The following RGS17 variants were observed in gnomAD, a reference collection of about 807,000 sequenced individuals.
RGS17 encodes the protein regulator of G protein signaling 17.
In RGS17, 12 loss-of-function variants were observed where a neutral mutation model predicts 25.5. That is an observed-to-expected ratio of 0.47 (90% confidence interval 0.30 to 0.76). The LOEUF is 0.76. Ranked by LOEUF, RGS17 falls within the 30% of genes least tolerant of loss-of-function variation. The pLI is 0.07. For synonymous variants in RGS17, 71 were observed against 76.9 expected (o/e 0.92, Z 0.40); for missense variants, 196 against 242.2 (o/e 0.81, Z 1.27).
intron 2 of RGS17, among the ~76,000 whole-genome samples, chr6:153,033,361 C>A (rs978650484): frequency 2.0e-5 from 3 of 152,088 alleles, no homozygotes; most frequent in African/African-American, 4.8e-5. Flanking sequence ...TTAGCATAAA[C>A]AGAGTTTATT....
intron 1 of RGS17, among the ~76,000 whole-genome samples, chr6:153,080,117 G>A (rs1327164801): frequency 1.3e-5 from 2 of 152,068 alleles, no homozygotes; most frequent in South Asian, 2.1e-4. Context: ...GAGTAGCTGG[G>A]ACTACAGGCA....
chr6:153,052,331 G>C (rs1776472854), intron 1 of RGS17, among the ~76,000 whole-genome samples: 1 of 152,138 alleles, frequency 6.6e-6, no homozygotes, highest in African/African-American at 2.4e-5. Context: ...CTGAGATATG[G>C]AGTTTGACTT....
chr6:153,120,714 C>T (rs758331006), intron 1 of RGS17, among the ~76,000 whole-genome samples: 4 of 152,182 alleles, frequency 2.6e-5, no homozygotes, highest in Non-Finnish European at 5.9e-5. Context: ...CAGTATATGT[C>T]TTCTTTTTTA....
At chr6:153,129,495 G>C (rs184102444) in intron 1 of RGS17, among the ~76,000 whole-genome samples, 46 of 152,298 alleles carry the variant, frequency 3.0e-4, no homozygotes, top group Non-Finnish European at 1.5e-5. Flanking sequence ...GTTGTGAATC[G>C]AGGAGGAAAG....
chr6:153,110,490 C>G (rs901426356), intron 1 of RGS17, among the ~76,000 whole-genome samples: 8 of 150,156 alleles, frequency 5.3e-5, no homozygotes, highest in Admixed American at 1.3e-4. Context: ...TTTTAGCTAC[C>G]AGGAAGGGTC....
intron 1 of RGS17, among the ~76,000 whole-genome samples, chr6:153,070,732 T>A (rs1193385278): frequency 6.6e-6 from 1 of 150,746 alleles, no homozygotes; most frequent in South Asian, 2.1e-4. Flanking sequence ...CATATACATA[T>A]ACACATACAT....
rs551114064 is a variant in RGS17, at chr6:153,019,043, G to T, written c.444+5219C>A. Among the ~76,000 whole-genome samples the T allele has an allele frequency of 3.9e-5, 6 of 152,322 alleles. No homozygotes were observed. In the East Asian group the frequency reaches 1.2e-3, roughly 29 times the overall value. On this transcript the variant is annotated intron_variant, in intron 4 of 4. Transcript: ENST00000206262. ...TTTTCTCTCAGATGGTAACTGGGAAGTTAGAAAAATCAGAAAAAGCAAACT... is the reference window on the plus strand; with the variant it reads ...TTTTCTCTCAGATGGTAACTGGGAATTTAGAAAAATCAGAAAAAGCAAACT...
intron 1 of RGS17, among the ~76,000 whole-genome samples, chr6:153,103,962 T>C (rs1311964358): frequency 6.6e-6 from 1 of 152,198 alleles, no homozygotes; most frequent in Non-Finnish European, 1.5e-5. Context: ...ACCAAAGATA[T>C]CATTGATTGT....
rs1247819633 is a variant in RGS17, at chr6:153,008,191, T to C, written c.*3383A>G. On this transcript the variant is annotated 3_prime_UTR_variant, in exon 5 of 5. Transcript: ENST00000206262. ...TATCCCTATAGTCCTTTGGCAAAAC[T>C]GAACTATCAGGTAGATAAACAACAC... 1 of 152,186 alleles carries C rather than the reference T, an allele frequency of 6.6e-6. No homozygotes were observed. Among genetic ancestry groups the C allele is most frequent in the South Asian group, 2.1e-4 (1 of 4,836 alleles). The allele number at this position is 152,186 out of a possible 1,614,324, so 9.4% of individuals were successfully genotyped here. A position where few individuals can be genotyped will look rare whatever the true frequency, so the allele number is the denominator to read the frequency against.
intron 1 of RGS17, among the ~76,000 whole-genome samples, chr6:153,115,846 G>T (rs1215542506): frequency 1.3e-5 from 2 of 152,164 alleles, no homozygotes; most frequent in African/African-American, 4.8e-5. Context: ...TTAATAAATG[G>T]TGTTGGGAAA....
intron 1 of RGS17, among the ~76,000 whole-genome samples, chr6:153,060,975 GA>G (rs1279923341): frequency 6.6e-6 from 1 of 152,066 alleles, no homozygotes; most frequent in Non-Finnish European, 1.5e-5. Context: ...TTAAATGAGT[GA>G]AAAAAGGAGA....
chr6:153,063,900 T>C (rs1210515038), intron 1 of RGS17, among the ~76,000 whole-genome samples: 1 of 152,102 alleles, frequency 6.6e-6, no homozygotes, highest in Non-Finnish European at 1.5e-5. Context: ...AGCAGACTTT[T>C]CAGTGGAAAT....
At chr6:153,104,780 G>A (rs113753717) in intron 1 of RGS17, among the ~76,000 whole-genome samples, 15 of 150,614 alleles carry the variant, frequency 1.0e-4, no homozygotes, top group Non-Finnish European at 1.5e-4. Flanking sequence ...CAGAGATCAC[G>A]CCACTGCACT....
intron 1 of RGS17, among the ~76,000 whole-genome samples, chr6:153,083,387 T>C (rs1777010169): frequency 6.6e-6 from 1 of 152,218 alleles, no homozygotes. Context: ...AATTCTCTTT[T>C]GGAAAAAAGC....
At chr6:153,129,200 G>A (rs954740891) in intron 1 of RGS17, among the ~76,000 whole-genome samples, 1 of 152,128 alleles carries the variant, frequency 6.6e-6, no homozygotes, top group African/African-American at 2.4e-5. Flanking sequence ...CTCTAAGTGC[G>A]GGTTTCAAAA....
rs578239278 is a variant in RGS17, at chr6:153,006,846, A to G, written c.*4728T>C. On this transcript the variant is annotated 3_prime_UTR_variant, in exon 5 of 5. Coordinates refer to ENST00000206262, the MANE Select transcript of RGS17 (RefSeq NM_012419.5). ...AGATAAATGATTTGCCCAAAGTCAC[A>G]TGAGACAGAAATATAACTTGAAATC... The G allele has an allele frequency of 6.6e-6, 1 of 152,328 alleles. No individual in the cohort carries two copies. The highest frequency in any genetic ancestry group is 1.9e-4 in the East Asian group (1 of 5,188). The allele number at this position is 152,328 out of a possible 1,614,324, so 9.4% of individuals were successfully genotyped here.
intron 1 of RGS17, among the ~76,000 whole-genome samples, chr6:153,097,699 A>G (rs1777238438): frequency 6.6e-6 from 1 of 152,084 alleles, no homozygotes; most frequent in Non-Finnish European, 1.5e-5. Flanking sequence ...CAAGATCACT[A>G]GGAAAGAGAA....
chr6:153,009,043 T>C lies in RGS17; in HGVS notation c.*2531A>G, dbSNP rs1779105568. ...TTTTTAACTCAACTTCCTCATCAGG[T>C]TTCAAAAGGATATACCAACTTTAAA... On this transcript the variant is annotated 3_prime_UTR_variant, in exon 5 of 5. Transcript: ENST00000206262. The C allele has an allele frequency of 6.6e-6, 1 of 152,104 alleles. No individual in the cohort carries two copies. The highest frequency in any genetic ancestry group is 2.1e-4 in the South Asian group (1 of 4,830). 9.4% of individuals were successfully genotyped at this position (152,104 alleles called of 1,614,324 possible). A position where few individuals can be genotyped will look rare whatever the true frequency, so the allele number is the denominator to read the frequency against.
chr6:153,070,536 C>T (rs192076536), intron 1 of RGS17, among the ~76,000 whole-genome samples: 21 of 152,038 alleles, frequency 1.4e-4, no homozygotes, highest in Admixed American at 1.3e-3. Context: ...CCTGAGCATA[C>T]AGGACCTGTG....
Sources: gnomAD v4.1 joint callset for allele counts (sites outside exome capture counted in the v4.1 genomes callset) on GRCh38, gnomAD v4.1.1 for gene constraint, MANE v1.5 for transcripts, NCBI Gene and HGNC (gene_info 2026-07-23, HGNC 2026-07-21) for gene names.